TPD52: variants seen among roughly 807,000 people sequenced by gnomAD.
TPD52 encodes the protein prostate and colon associated protein.
In TPD52, 17 loss-of-function variants were observed where a neutral mutation model predicts 31.3. The ratio of observed to expected loss-of-function variants is 0.54; its 90% CI spans 0.37 to 0.82. The LOEUF is 0.82. Among genes scored for constraint, TPD52 ranks in the 40% least tolerant of loss-of-function variants. The pLI, the probability that TPD52 is intolerant of heterozygous loss-of-function variation, is 0.00. For synonymous variants in TPD52, 83 were observed against 89.6 expected (o/e 0.93, Z 0.42); for missense variants, 212 against 240.1 (o/e 0.88, Z 0.77).
chr8:80,115,134 C>CT (rs1409344004), intron 1 of TPD52, among the ~76,000 whole-genome samples: 1 of 152,148 alleles, frequency 6.6e-6, no homozygotes, highest in Non-Finnish European at 1.5e-5. Context: ...AGCTTTTTGA[C>CT]TTTTTTAAAC....
In TPD52 at chr8:80,076,350, T is replaced by C. The variant is rs143355846; in HGVS notation, c.20-11757A>G. Among the ~76,000 whole-genome samples, 848 of 152,332 alleles carry C rather than the reference T, an allele frequency of 5.6e-3. 8 individuals carry two copies. The highest frequency in any genetic ancestry group is 0.018 in the African/African-American group (751 of 41,578). ...TAAAAAAGAACAAGATCCTATCCTTTGCAAGAACATGGATGAGCTGGAGGC... is the reference window on the plus strand; with the variant it reads ...TAAAAAAGAACAAGATCCTATCCTTCGCAAGAACATGGATGAGCTGGAGGC... On this transcript the variant is annotated intron_variant, in intron 1 of 7. Transcript: ENST00000518937.
At chr8:80,056,401 G>A (rs1447270374) in intron 2 of TPD52, among the ~76,000 whole-genome samples, 1 of 152,106 alleles carries the variant, frequency 6.6e-6, no homozygotes, top group African/African-American at 2.4e-5. Flanking sequence ...TGCTTCAAAC[G>A]ACACTGTCAT....
intron 1 of TPD52, among the ~76,000 whole-genome samples, chr8:80,068,867 G>C (rs1813448286): frequency 6.6e-6 from 1 of 152,192 alleles, no homozygotes; most frequent in African/African-American, 2.4e-5. Flanking sequence ...CAATTAATCA[G>C]CCAGTCATTG....
In TPD52 at chr8:80,042,240, AG is replaced by A. The variant is rs1810460411; in HGVS notation, c.504+379del. 1.6e-5 allele frequency: 16 copies of A among 985,358 alleles called. No homozygotes were observed. The South Asian group carries it at 7.5e-4, about 46-fold the overall frequency. The allele number at this position is 985,358 out of a possible 1,614,324, so 61.0% of individuals were successfully genotyped here. A position where few individuals can be genotyped will look rare whatever the true frequency, so the allele number is the denominator to read the frequency against. The stretch of plus-strand genomic sequence containing the variant: ...ATACATCTATCACTGTCTGAGTGGT[AG>A]GACCAATTTTTTGTTTTCTTTCTTG... On this transcript the variant is annotated intron_variant, in intron 7 of 7. Transcript: ENST00000518937.
At chr8:80,142,340 G>A (rs1809890468) in intron 1 of TPD52, among the ~76,000 whole-genome samples, 1 of 152,190 alleles carries the variant, frequency 6.6e-6, no homozygotes, top group African/African-American at 2.4e-5. Context: ...GATCCTGTTG[G>A]ACATTAAATT....
At chr8:80,134,981 T>A (rs115722125) in intron 1 of TPD52, among the ~76,000 whole-genome samples, 3,182 of 152,258 alleles carry the variant, frequency 0.021, 112 homozygotes, top group African/African-American at 0.072. Context: ...GGTTTCAACA[T>A]GAAGAAGCTG....
At chr8:80,118,981 A>C (rs1210213614) in intron 1 of TPD52, among the ~76,000 whole-genome samples, 1 of 152,242 alleles carries the variant, frequency 6.6e-6, no homozygotes, top group African/African-American at 2.4e-5. Context: ...AATATACACA[A>C]GTATTCAAAG....
At position 80,065,128 on chromosome 8, in the gene TPD52, G is replaced by T. The variant is rs184441380; in HGVS notation, c.20-535C>A. On this transcript the variant is annotated intron_variant, in intron 1 of 7. Transcript: ENST00000518937. ...TAGTGGAGGCAGAAAACATCTTCTT[G>T]TAAGTTCTTTTTTTGTTGTTTGTTT... is the stretch of plus-strand genomic sequence containing the variant. Among the ~76,000 whole-genome samples the T allele has an allele frequency of 1.8e-3, 270 of 151,896 alleles. 1 individual carries two copies. Among genetic ancestry groups the T allele is most frequent in the Non-Finnish European group, 3.1e-3 (213 of 67,956 alleles).
chr8:80,054,301 T>C (rs1391324356), intron 2 of TPD52, among the ~76,000 whole-genome samples: 1 of 151,946 alleles, frequency 6.6e-6, no homozygotes, highest in Non-Finnish European at 1.5e-5. Context: ...GCTTGAGGAA[T>C]CTAAAACTGT....
intron 1 of TPD52, among the ~76,000 whole-genome samples, chr8:80,093,662 C>A (rs1816463530): frequency 6.6e-6 from 1 of 152,090 alleles, no homozygotes; most frequent in South Asian, 2.1e-4. Flanking sequence ...TGCTTTTAAA[C>A]TGTAATAAGC....
downstream of TPD52, among the ~76,000 whole-genome samples, chr8:80,032,503 G>A (rs1738647324): frequency 6.6e-6 from 1 of 152,058 alleles, no homozygotes; most frequent in Non-Finnish European, 1.5e-5. Flanking sequence ...CAGAAGTTTA[G>A]GGCCAGCCTG....
At chr8:80,061,041 A>G (rs1288415935) in intron 2 of TPD52, among the ~76,000 whole-genome samples, 1 of 152,236 alleles carries the variant, frequency 6.6e-6, no homozygotes, top group African/African-American at 2.4e-5. Flanking sequence ...ATCACAGATG[A>G]CATGATTTCA....
intron 2 of TPD52, among the ~76,000 whole-genome samples, chr8:80,055,748 A>C (rs192172781): frequency 1.3e-5 from 2 of 152,362 alleles, no homozygotes; most frequent in East Asian, 3.9e-4. Context: ...GACATTTCTC[A>C]GAAGAGACAT....
intron 1 of TPD52, among the ~76,000 whole-genome samples, chr8:80,069,248 G>A (rs1034024610): frequency 6.6e-6 from 1 of 152,102 alleles, no homozygotes; most frequent in Non-Finnish European, 1.5e-5. Flanking sequence ...AGGATCACTT[G>A]AGCCCAGGAG....
intron 1 of TPD52, among the ~76,000 whole-genome samples, chr8:80,102,878 C>T (rs1421576484): frequency 6.6e-6 from 1 of 152,080 alleles, no homozygotes; most frequent in African/African-American, 2.4e-5. Context: ...ATTTAATCAA[C>T]CATGCCTATG....
chr8:80,111,532 A>G (rs945748112), intron 1 of TPD52, among the ~76,000 whole-genome samples: 7 of 152,248 alleles, frequency 4.6e-5, no homozygotes, highest in Non-Finnish European at 8.8e-5. Flanking sequence ...TTAGAATGGG[A>G]AAAGAACTTT....
intron 1 of TPD52, among the ~76,000 whole-genome samples, chr8:80,140,429 C>T (rs1041450251): frequency 2.6e-5 from 4 of 152,172 alleles, no homozygotes; most frequent in Non-Finnish European, 4.4e-5. Flanking sequence ...GAAAACAGCT[C>T]GCTTTTTCCA....
chr8:80,072,177 G>C (rs994167530), intron 1 of TPD52, among the ~76,000 whole-genome samples: 38 of 152,104 alleles, frequency 2.5e-4, no homozygotes, highest in African/African-American at 8.7e-4. Flanking sequence ...GCGTGGTGGC[G>C]TGCACCTGTA....
intron 1 of TPD52, among the ~76,000 whole-genome samples, chr8:80,139,326 CAG>C (rs1390326921): frequency 1.3e-5 from 2 of 152,044 alleles, no homozygotes; most frequent in African/African-American, 2.4e-5. Flanking sequence ...AGTATATTCA[CAG>C]AGTTATGCAA....
Sources: allele counts gnomAD v4.1 joint callset (sites outside exome capture counted in the v4.1 genomes callset), GRCh38; gene constraint gnomAD v4.1.1; transcripts MANE v1.5; gene names NCBI Gene and HGNC (gene_info 2026-07-23, HGNC 2026-07-21).